The following RBFOX1 variants were observed in gnomAD, a reference collection of about 807,000 sequenced individuals.
RBFOX1 encodes RNA binding fox-1 homolog 1.
RBFOX1 carries 8 observed loss-of-function variants against 57.7 expected under a neutral mutation model. The observed-to-expected ratio is 0.14, with a 90% CI of 0.08 to 0.25. RBFOX1 has a LOEUF of 0.25. Among genes scored for constraint, RBFOX1 ranks in the 10% least tolerant of loss-of-function variants. The pLI is 1.00. For synonymous variants in RBFOX1, 326 were observed against 222.4 expected (o/e 1.47, Z -4.15); for missense variants, 611 against 548.5 (o/e 1.11, Z -1.14).
chr16:6,978,312 G>T (rs1455557852), intron 3 of RBFOX1, among the ~76,000 whole-genome samples: 1 of 152,182 alleles, frequency 6.6e-6, no homozygotes, highest in Admixed American at 6.5e-5. Flanking sequence ...GCAAGAAATT[G>T]GGATTCTTTT....
At chr16:6,265,109 G>A (rs896944875) in intron 1 of RBFOX1, among the ~76,000 whole-genome samples, 2 of 152,234 alleles carry the variant, frequency 1.3e-5, no homozygotes, top group Admixed American at 6.5e-5. Flanking sequence ...CAACCATAAC[G>A]GAGACAGTTA....
At chr16:7,561,884 G>A (rs1411458651) in intron 5 of RBFOX1, among the ~76,000 whole-genome samples, 1 of 152,080 alleles carries the variant, frequency 6.6e-6, no homozygotes, top group African/African-American at 2.4e-5. Flanking sequence ...TATTAGGGGG[G>A]AAATCTTTGA....
intron 4 of RBFOX1, among the ~76,000 whole-genome samples, chr16:5,922,079 T>G (rs1056090450): frequency 2.0e-5 from 3 of 152,098 alleles, no homozygotes; most frequent in African/African-American, 7.2e-5. Flanking sequence ...GAGGATCACT[T>G]GAGTCCAGGA....
chr16:6,520,922 C>T (rs1045000907), intron 2 of RBFOX1, among the ~76,000 whole-genome samples: 12 of 152,048 alleles, frequency 7.9e-5, no homozygotes, highest in African/African-American at 2.7e-4. Context: ...TGTGAATAAC[C>T]AGTGTTGGAA....
chr16:7,498,983 C>G (rs1396748127), intron 4 of RBFOX1, among the ~76,000 whole-genome samples: 1 of 152,174 alleles, frequency 6.6e-6, no homozygotes, highest in African/African-American at 2.4e-5. Flanking sequence ...ATCACTGGAC[C>G]TCAAACTCCA....
At chr16:5,630,313 C>G (rs2048466770) in intron 3 of RBFOX1, among the ~76,000 whole-genome samples, 1 of 152,038 alleles carries the variant, frequency 6.6e-6, no homozygotes, top group Non-Finnish European at 1.5e-5. Flanking sequence ...AAAAATTAGC[C>G]AGGCATTGTG....
chr16:7,061,019 C>T (rs1403384492), intron 4 of RBFOX1, among the ~76,000 whole-genome samples: 2 of 96,308 alleles, frequency 2.1e-5, no homozygotes, highest in Non-Finnish European at 4.4e-5. Flanking sequence ...CATGTATGTT[C>T]TCCTGTGTGT....
intron 4 of RBFOX1, among the ~76,000 whole-genome samples, chr16:7,082,716 G>T (rs944788450): frequency 1.3e-5 from 2 of 152,178 alleles, no homozygotes; most frequent in Non-Finnish European, 2.9e-5. Flanking sequence ...GTTGTATGCT[G>T]ATTGCTGTAT....
intron 4 of RBFOX1, among the ~76,000 whole-genome samples, chr16:5,956,639 A>AATATATATATATATATATAT (rs1373907599): frequency 8.1e-6 from 1 of 123,560 alleles, no homozygotes; most frequent in African/African-American, 3.0e-5. Flanking sequence ...GCAAAAAACA[A>AATATATATATATATATATAT]ATATATATAT....
intron 4 of RBFOX1, among the ~76,000 whole-genome samples, chr16:7,064,467 C>G (rs1374528867): frequency 6.6e-6 from 1 of 152,112 alleles, no homozygotes; most frequent in African/African-American, 2.4e-5. Flanking sequence ...CCATGCCTGG[C>G]TGGGTGGTGT....
chr16:6,942,304 A>C (rs968189489), intron 3 of RBFOX1, among the ~76,000 whole-genome samples: 2 of 152,024 alleles, frequency 1.3e-5, no homozygotes, highest in South Asian at 2.1e-4. Context: ...AGTTGCTGAG[A>C]CCACTGGCAC....
At chr16:7,239,527 C>T (rs913672316) in intron 4 of RBFOX1, among the ~76,000 whole-genome samples, 2 of 151,982 alleles carry the variant, frequency 1.3e-5, no homozygotes. Flanking sequence ...AAATTGGAAT[C>T]GGCTGGGATG....
chr16:7,198,050 G>C (rs2087242199), intron 4 of RBFOX1, among the ~76,000 whole-genome samples: 2 of 116,786 alleles, frequency 1.7e-5, no homozygotes, highest in Non-Finnish European at 3.2e-5. Context: ...CTGTCGCCCA[G>C]GCTGGAATGC....
At chr16:7,462,780 T>G (rs911498953) in intron 4 of RBFOX1, among the ~76,000 whole-genome samples, 5 of 152,218 alleles carry the variant, frequency 3.3e-5, no homozygotes, top group African/African-American at 9.6e-5. Flanking sequence ...AAGCTGCCCG[T>G]ATTCCTTCTC....
At chr16:5,716,936 G>T (rs977275785) in intron 3 of RBFOX1, among the ~76,000 whole-genome samples, 1 of 152,184 alleles carries the variant, frequency 6.6e-6, no homozygotes, top group Non-Finnish European at 1.5e-5. Flanking sequence ...TGGATTTGCT[G>T]ACTTCTGATA....
At chr16:7,307,526 T>G (rs539480300) in intron 4 of RBFOX1, among the ~76,000 whole-genome samples, 1 of 152,380 alleles carries the variant, frequency 6.6e-6, no homozygotes, top group African/African-American at 2.4e-5. Context: ...CCTGTTTCAC[T>G]TATTTGTATG....
At chr16:5,494,062 C>A (rs1182933026) in intron 2 of RBFOX1, among the ~76,000 whole-genome samples, 2 of 152,150 alleles carry the variant, frequency 1.3e-5, no homozygotes, top group Non-Finnish European at 2.9e-5. Context: ...GAGGTGGGGT[C>A]CCATTTCAAT....
At chr16:6,106,424 C>T (rs2096379562) in intron 1 of RBFOX1, among the ~76,000 whole-genome samples, 1 of 137,762 alleles carries the variant, frequency 7.3e-6, no homozygotes, top group Admixed American at 8.1e-5. Context: ...CAAGATCGTG[C>T]CACTGTACTC....
intron 3 of RBFOX1, among the ~76,000 whole-genome samples, chr16:6,921,700 T>G (rs937817794): frequency 1.1e-4 from 17 of 150,552 alleles, no homozygotes; most frequent in Non-Finnish European, 1.0e-4. Flanking sequence ...CAGGCAGAGG[T>G]GATGGAAAGT....
Sources: allele counts gnomAD v4.1 joint callset (sites outside exome capture counted in the v4.1 genomes callset), GRCh38; gene constraint gnomAD v4.1.1; transcripts MANE v1.5; gene names NCBI Gene and HGNC (gene_info 2026-07-23, HGNC 2026-07-21).